Variants in PRIM2 observed in about 807,000 individuals in gnomAD.
PRIM2 encodes DNA primase subunit 2, also known as DNA primase large subunit.
PRIM2 carries 39 observed loss-of-function variants against 67.3 expected under a neutral mutation model. That is an observed-to-expected ratio of 0.58 (90% CI 0.45 to 0.76). The LOEUF (loss-of-function observed/expected upper bound fraction) is 0.76, where lower values mean the gene tolerates loss of function less well. Among genes scored for constraint, PRIM2 ranks in the 30% least tolerant of loss-of-function variants. The pLI is 0.00. For missense variants in PRIM2, 398 were observed against 598.7 expected (o/e 0.66, Z 3.50); for synonymous variants, 143 against 198.7 (o/e 0.72, Z 2.36).
chr6:57,253,575 T>C, the PRIM2 span, among the ~76,000 whole-genome samples: 1 of 152,152 alleles, frequency 6.6e-6, no homozygotes, highest in African/African-American at 2.4e-5. Context: ...ATGGAGCTCG[T>C]TCTCTTGGTG....
At position 57,321,224 on chromosome 6, in the gene PRIM2, T is replaced by TA. The variant is rs138868481; in HGVS notation, c.258+667dup. On this transcript the variant is annotated intron_variant, in intron 3 of 13. Transcript: ENST00000615550. ...AGGGGGAATGGAGAGAGAAGAGTTA[T>TA]AAATGACACCCAGGTTTCTAGTTAG... 1.3e-3 allele frequency among the ~76,000 whole-genome samples: 195 copies of TA among 152,290 alleles called. 4 individuals carry two copies. The East Asian group carries it at 0.017, about 13-fold the overall frequency.
chr6:57,476,833 C>T (rs1459777559), intron 7 of PRIM2, among the ~76,000 whole-genome samples: 28 of 152,190 alleles, frequency 1.8e-4, no homozygotes, highest in African/African-American at 5.5e-4. Context: ...CTGCAACCTC[C>T]GCCTTCTGGG....
At chr6:57,608,352 G>A (rs1776598200) in intron 12 of PRIM2, among the ~76,000 whole-genome samples, 1 of 152,166 alleles carries the variant, frequency 6.6e-6, no homozygotes, top group Non-Finnish European at 1.5e-5. Flanking sequence ...TGACTTGGGT[G>A]AGGTGTCAGT....
At chr6:57,246,817 T>C in the PRIM2 span, among the ~76,000 whole-genome samples, 7 of 152,032 alleles carry the variant, frequency 4.6e-5, no homozygotes, top group Non-Finnish European at 8.8e-5. Context: ...AGTACTCATG[T>C]GCTCCTTCCT....
intron 7 of PRIM2, among the ~76,000 whole-genome samples, chr6:57,434,168 A>C (rs1393937507): frequency 1.3e-5 from 2 of 151,702 alleles, no homozygotes; most frequent in African/African-American, 2.4e-5. Context: ...CAGGTGATCT[A>C]CCCGCCTCGG....
At chr6:57,627,823 A>G (rs1489829413) in intron 12 of PRIM2, among the ~76,000 whole-genome samples, 1 of 152,228 alleles carries the variant, frequency 6.6e-6, no homozygotes, top group Non-Finnish European at 1.5e-5. Flanking sequence ...TTTGTATAAT[A>G]TTCTTAGATC....
intron 7 of PRIM2, among the ~76,000 whole-genome samples, chr6:57,482,862 C>A (rs1773663707): frequency 2.0e-5 from 3 of 152,096 alleles, no homozygotes; most frequent in Non-Finnish European, 4.4e-5. Flanking sequence ...AGGCGAGAGG[C>A]TGAGGACCAG....
chr6:57,478,565 T>C (rs1773535529), intron 7 of PRIM2, among the ~76,000 whole-genome samples: 1 of 152,172 alleles, frequency 6.6e-6, no homozygotes, highest in African/African-American at 2.4e-5. Flanking sequence ...ATTAACATAC[T>C]CTACTAAAAT....
intron 5 of PRIM2, among the ~76,000 whole-genome samples, chr6:57,350,960 G>GAAGA (rs112558090): frequency 0.013 from 1,955 of 150,982 alleles, 37 homozygotes; most frequent in African/African-American, 0.045. Flanking sequence ...GGAAAGAGTG[G>GAAGA]AAGATGAGAC....
chr6:57,338,347 A>C (rs1229058857), intron 5 of PRIM2, among the ~76,000 whole-genome samples: 1 of 152,174 alleles, frequency 6.6e-6, no homozygotes, highest in Admixed American at 6.5e-5. Context: ...AATCCTCCCT[A>C]ACTCATTTTA....
At chr6:57,440,032 T>C (rs548472796) in intron 7 of PRIM2, among the ~76,000 whole-genome samples, 4 of 151,600 alleles carry the variant, frequency 2.6e-5, no homozygotes, top group African/African-American at 9.7e-5. Flanking sequence ...ATATATGTTC[T>C]TTTCGGAAAT....
chr6:57,501,480 A>C (rs1206819362), intron 7 of PRIM2, among the ~76,000 whole-genome samples: 1 of 152,018 alleles, frequency 6.6e-6, no homozygotes, highest in African/African-American at 2.4e-5. Context: ...TTGTATTTTT[A>C]GTAGAGACGG....
intron 12 of PRIM2, among the ~76,000 whole-genome samples, chr6:57,613,691 C>G (rs1348277341): frequency 6.6e-6 from 1 of 152,156 alleles, no homozygotes; most frequent in Non-Finnish European, 1.5e-5. Flanking sequence ...TTCTGGCATT[C>G]GTTCCTTGAG....
the PRIM2 span, among the ~76,000 whole-genome samples, chr6:57,268,217 C>A: frequency 6.6e-6 from 1 of 152,180 alleles, no homozygotes; most frequent in Admixed American, 6.5e-5. Flanking sequence ...TCTCAAAAAA[C>A]CACATTTTGT....
the PRIM2 span, among the ~76,000 whole-genome samples, chr6:57,244,651 C>T: frequency 2.0e-5 from 3 of 151,958 alleles, no homozygotes; most frequent in Admixed American, 6.6e-5. Context: ...ATCCCAGCTA[C>T]TCCGGAGGCT....
At chr6:57,581,267 T>C (rs1412062969) in intron 10 of PRIM2, among the ~76,000 whole-genome samples, 180 of 152,228 alleles carry the variant, frequency 1.2e-3, no homozygotes, top group African/African-American at 3.4e-3. Flanking sequence ...CTCGGCGTAC[T>C]CCTGTGGTTT....
intron 7 of PRIM2, among the ~76,000 whole-genome samples, chr6:57,476,794 C>T (rs1427486925): frequency 2.6e-5 from 4 of 152,152 alleles, no homozygotes; most frequent in African/African-American, 9.7e-5. Flanking sequence ...GTTGCCCAGG[C>T]TGGAGTGCAA....
chr6:57,482,156 G>A (rs1773644477), intron 7 of PRIM2, among the ~76,000 whole-genome samples: 1 of 113,072 alleles, frequency 8.8e-6, no homozygotes, highest in Admixed American at 8.9e-5. Flanking sequence ...AAAATAATTT[G>A]GATTTTTTTT....
At chr6:57,349,268 C>T (rs1451804539) in intron 5 of PRIM2, among the ~76,000 whole-genome samples, 1 of 151,494 alleles carries the variant, frequency 6.6e-6, no homozygotes, top group African/African-American at 2.4e-5. Context: ...TTTCTGAGTT[C>T]GCTTTTTTGA....
Sources: allele counts gnomAD v4.1 joint callset (sites outside exome capture counted in the v4.1 genomes callset), GRCh38; gene constraint gnomAD v4.1.1; transcripts MANE v1.5; gene names NCBI Gene and HGNC (gene_info 2026-07-23, HGNC 2026-07-21).